The following HDAC8 variants were observed in gnomAD, a reference collection of about 807,000 sequenced individuals.
HDAC8 encodes histone deacetylase 8.
HDAC8 carries 1 observed loss-of-function variant against 32.2 expected under a neutral mutation model. The observed-to-expected ratio is 0.03, with a 90% CI of 0.01 to 0.15. The LOEUF is 0.15. Ranked by LOEUF, HDAC8 falls within the 10% of genes least tolerant of loss-of-function variation. The pLI is 1.00. For synonymous variants in HDAC8, 108 were observed against 113.9 expected, an observed-to-expected ratio of 0.95 and a Z score of 0.33; for missense variants, 117 against 300.0, an observed-to-expected ratio of 0.39 and a Z score of 4.51.
intron 10 of HDAC8, among the ~76,000 whole-genome samples, chrX:72,333,517 C>T (rs868994584): frequency 9.1e-6 from 1 of 110,226 alleles, no homozygotes; most frequent in Non-Finnish European, 1.9e-5. Context: ...GGTGAAACCT[C>T]GTCTCTACTA....
intron 6 of HDAC8, 42 bp downstream of exon 6, chrX:72,490,887 T>G: frequency 1.1e-6 from 1 of 932,776 alleles, no homozygotes; most frequent in Non-Finnish European, 1.6e-6. Context: ...AGAATTTCAG[T>G]ATTTAGTCAT....
At chrX:72,356,872 C>T (rs782169351) in intron 9 of HDAC8, among the ~76,000 whole-genome samples, 41 of 111,760 alleles carry the variant, frequency 3.7e-4, no homozygotes, top group African/African-American at 1.3e-3. Context: ...GCACGAGCCA[C>T]CATGCCCAGC....
intron 4 of HDAC8, among the ~76,000 whole-genome samples, chrX:72,503,554 C>A (rs2049293300): frequency 9.0e-6 from 1 of 111,514 alleles, no homozygotes. Flanking sequence ...GTAGACCATG[C>A]TTTTGTAAAC....
rs180927579 is a variant in HDAC8 at position 72,415,151 on chromosome X, G to A, written c.1005+46853C>T. The stretch of plus-strand genomic sequence containing the variant: ...ACTCTTAAACTAAATTTACTAATTT[G>A]CTGATAGATATCAAAATGCTTCAGT... On this transcript the variant is annotated intron_variant, in intron 9 of 10. Transcript: ENST00000373573. 3.6e-5 allele frequency among the ~76,000 whole-genome samples: 4 copies of A among 112,215 alleles called. No individual in the cohort carries two copies. The Admixed American group carries it at 3.8e-4, about 11-fold the overall frequency.
At chrX:72,499,939 G>A in intron 4 of HDAC8, among the ~76,000 whole-genome samples, 1 of 111,517 alleles carries the variant, frequency 9.0e-6, no homozygotes, top group African/African-American at 3.2e-5. Context: ...TAGAAATGAT[G>A]AAGGGAATGT....
intron 2 of HDAC8, among the ~76,000 whole-genome samples, chrX:72,571,513 C>A (rs1205602191): frequency 9.3e-6 from 1 of 107,854 alleles, no homozygotes; most frequent in Non-Finnish European, 1.9e-5. Context: ...ACTTTCCACT[C>A]CCCTGTCCCA....
intron 9 of HDAC8, among the ~76,000 whole-genome samples, chrX:72,370,712 C>T (rs1409966077): frequency 2.7e-5 from 3 of 112,104 alleles, no homozygotes; most frequent in Admixed American, 9.4e-5. Context: ...CCACAATAGG[C>T]TGAGGAGCAA....
At chrX:72,506,294 T>C (rs1006432097) in intron 4 of HDAC8, among the ~76,000 whole-genome samples, 1 of 112,162 alleles carries the variant, frequency 8.9e-6, no homozygotes, top group Non-Finnish European at 1.9e-5. Flanking sequence ...GGATAACTTA[T>C]AAAGAAAAGA....
At chrX:72,419,138 G>C (rs1360314758) in intron 9 of HDAC8, among the ~76,000 whole-genome samples, 1 of 111,337 alleles carries the variant, frequency 9.0e-6, no homozygotes, top group African/African-American at 3.3e-5. Context: ...TTTGAGAATT[G>C]GTTTTTCCAT....
At chrX:72,452,908 C>T (rs1268126099) in intron 9 of HDAC8, among the ~76,000 whole-genome samples, 1 of 110,966 alleles carries the variant, frequency 9.0e-6, no homozygotes, top group Non-Finnish European at 1.9e-5. Context: ...GACTCTAAAA[C>T]AGCTATTATA....
intron 9 of HDAC8, among the ~76,000 whole-genome samples, chrX:72,407,773 T>C (rs372200239): frequency 9.8e-5 from 11 of 112,255 alleles, no homozygotes; most frequent in African/African-American, 2.3e-4. Context: ...TAAATGTGTA[T>C]TGCCTTGAGC....
chrX:72,468,814 C>T (rs190945523), intron 7 of HDAC8, among the ~76,000 whole-genome samples: 2 of 112,256 alleles, frequency 1.8e-5, no homozygotes, highest in East Asian at 5.6e-4. Context: ...TCATTTCATT[C>T]ATTCATTCAT....
chrX:72,509,112 T>G (rs1230435133), intron 4 of HDAC8, among the ~76,000 whole-genome samples: 2 of 109,980 alleles, frequency 1.8e-5, no homozygotes, highest in Non-Finnish European at 3.8e-5. Flanking sequence ...TCAATTTTTT[T>G]TTTTTTTGAG....
At chrX:72,415,765 T>C (rs574423931) in intron 9 of HDAC8, among the ~76,000 whole-genome samples, 8 of 112,385 alleles carry the variant, frequency 7.1e-5, no homozygotes, top group Admixed American at 2.8e-4. Context: ...ATTGATAGTA[T>C]ATAGAATTGA....
intron 10 of HDAC8, among the ~76,000 whole-genome samples, chrX:72,336,373 A>G (rs1602507594): frequency 8.9e-6 from 1 of 112,123 alleles, no homozygotes; most frequent in African/African-American, 3.2e-5. Flanking sequence ...TCAACTTGAG[A>G]TGGGGTGACA....
At chrX:72,387,541 A>G (rs942371468) in intron 9 of HDAC8, among the ~76,000 whole-genome samples, 1 of 111,810 alleles carries the variant, frequency 8.9e-6, no homozygotes, top group Admixed American at 9.5e-5. Flanking sequence ...GTAGTGGTGA[A>G]GAGCTCAGAC....
intron 9 of HDAC8, among the ~76,000 whole-genome samples, chrX:72,399,006 A>G (rs1419105062): frequency 1.8e-5 from 2 of 110,870 alleles, no homozygotes; most frequent in African/African-American, 6.6e-5. Context: ...GACCCTGAGT[A>G]CTAAATGCCT....
At chrX:72,340,253 T>C (rs1555944546) in intron 10 of HDAC8, among the ~76,000 whole-genome samples, 1 of 111,909 alleles carries the variant, frequency 8.9e-6, no homozygotes, top group Non-Finnish European at 1.9e-5. Flanking sequence ...AGCCAGCTTG[T>C]GGAGCTGGGC....
At chrX:72,490,808 A>G (rs60885999) in intron 6 of HDAC8, 121 bp downstream of exon 6, 2 of 490,567 alleles carry the variant, frequency 4.1e-6, no homozygotes, top group African/African-American at 2.5e-5. Context: ...AAAAAAAAAA[A>G]TTTTGCATAG....
Sources: allele counts gnomAD v4.1 joint callset (sites outside exome capture counted in the v4.1 genomes callset), GRCh38; gene constraint gnomAD v4.1.1; transcripts MANE v1.5; gene names NCBI Gene and HGNC (gene_info 2026-07-23, HGNC 2026-07-21).